SPTA1: variants seen among roughly 807,000 people sequenced by gnomAD.
The protein encoded by SPTA1 is spectrin alpha chain, erythrocytic 1.
A neutral mutation model predicts 324.7 loss-of-function variants in SPTA1; 177 were observed. That is an observed-to-expected ratio of 0.55 (90% CI 0.48 to 0.62). The LOEUF (loss-of-function observed/expected upper bound fraction) is 0.62. Ranked by LOEUF, SPTA1 falls within the 20% of genes least tolerant of loss-of-function variation. The probability of loss-of-function intolerance (pLI) is 0.00; values close to 1 mark genes in which losing one functional copy is unlikely to be tolerated. For synonymous variants in SPTA1, 1,195 were observed against 1,041.3 expected (o/e 1.15, Z -2.84); for missense variants, 3,162 against 2,883.6 (o/e 1.10, Z -2.21).
chr1:158,660,961 C>G (rs1383060060), intron 18 of SPTA1, among the ~76,000 whole-genome samples: 1 of 152,122 alleles, frequency 6.6e-6, no homozygotes, highest in Non-Finnish European at 1.5e-5. Context: ...GGAAAAGAGA[C>G]CTGATTTAAT....
intron 29 of SPTA1, among the ~76,000 whole-genome samples, 191 bp from the exon 30 acceptor site, chr1:158,644,587 C>T (rs1261254689): frequency 6.6e-6 from 1 of 152,302 alleles, no homozygotes; most frequent in Admixed American, 6.5e-5. Flanking sequence ...CTTTATGTTT[C>T]TGTATATGCT....
Position 158,633,727 on chromosome 1 carries a change from G to T in SPTA1, c.5565+816C>A, listed in dbSNP as rs114960340. ...GTTGTAAAGAAAGGGAAGCCTTTGAGAGCATTTGATAGGAAGCCTTAAAAT... is the reference window on the plus strand; with the variant it reads ...GTTGTAAAGAAAGGGAAGCCTTTGATAGCATTTGATAGGAAGCCTTAAAAT... On this transcript the variant is annotated intron_variant, in intron 39 of 51. Coordinates refer to ENST00000643759, the MANE Select transcript of SPTA1 (RefSeq NM_003126.4). Among the ~76,000 whole-genome samples the T allele has an allele frequency of 7.8e-3, 1,184 of 151,666 alleles. 18 individuals carry two copies. The highest frequency in any genetic ancestry group is 0.027 in the African/African-American group (1,104 of 41,366).
chr1:158,686,713 C>T lies in SPTA1; in HGVS notation c.-196G>A. 2.0e-6 allele frequency: 1 copy of T among 506,750 alleles called. No homozygotes were observed. Among genetic ancestry groups the T allele is most frequent in the South Asian group, 3.1e-5 (1 of 32,226 alleles). The allele number at this position is 506,750 out of a possible 1,614,324, so 31.4% of individuals were successfully genotyped here. ...CACAATCGACATTATCTTTAGAAGACATACTCAGCTGAGGCAACTGCTAAG... is the reference window on the plus strand; with the variant it reads ...CACAATCGACATTATCTTTAGAAGATATACTCAGCTGAGGCAACTGCTAAG... On this transcript the variant is annotated 5_prime_UTR_variant, in exon 1 of 52. It removes an upstream start codon present in the reference 5' UTR. Transcript: ENST00000643759.
chr1:158,666,471 G>T lies in SPTA1; in HGVS notation c.2065C>A (p.Gln689Lys). Residue 689 changes from glutamine (Q) to lysine (K), a missense_variant, in exon 16 of 52, where the codon CAG becomes AAG. By Grantham distance (53) the Gln-to-Lys change is moderately conservative. Coordinates refer to ENST00000643759, the MANE Select transcript of SPTA1 (RefSeq NM_003126.4). ...TCTGCATTATTTTCAAATTGCAGCT[G>T]CTGGTTGGCCTCATGCAACTGGGTC... ...KGTQLHEANQ[Q>K]LQFENNAEDL... The T allele has an allele frequency of 1.9e-6, 3 of 1,610,682 alleles. No individual in the cohort carries two copies. Among genetic ancestry groups the T allele is most frequent in the Non-Finnish European group, 2.5e-6 (3 of 1,179,942 alleles).
Position 158,620,476 on chromosome 1 carries a change from G to C in SPTA1, c.6121-10C>G. 6.2e-7 allele frequency: 1 copy of C among 1,608,914 alleles called. No individual in the cohort carries two copies. The highest frequency in any genetic ancestry group is 1.1e-5 in the South Asian group (1 of 90,712). On this transcript the variant is annotated splice_polypyrimidine_tract_variant and intron_variant, in intron 43 of 51. Transcript: ENST00000643759. ...CGAACAGGTCCTCAGCCTGCAGAGA[G>C]AAAAAAAAGACACTACCATCTTTCC... is the stretch of plus-strand genomic sequence containing the variant.
intron 33 of SPTA1, 140 bp from the exon 34 acceptor site, chr1:158,640,147 C>T (rs1651437446): frequency 9.7e-7 from 1 of 1,030,118 alleles, no homozygotes; most frequent in Non-Finnish European, 1.5e-6. Context: ...CATTTCAAAC[C>T]AGTTATACTT....
chr1:158,617,618 C>A (rs774862665), intron 46 of SPTA1, 30 bp from the exon 47 acceptor site: 1 of 1,571,314 alleles, frequency 6.4e-7, no homozygotes, highest in East Asian at 2.2e-5. Context: ...AATCATTATG[C>A]ATCACATCAC....
chr1:158,668,094 ATTACCTG>A, intron 14 of SPTA1, 32 bp from the exon 15 acceptor site: 1 of 1,566,800 alleles, frequency 6.4e-7, no homozygotes, highest in Non-Finnish European at 8.7e-7. Flanking sequence ...AAAAAAAACC[ATTACCTG>A]AAGAATGAGG....
chr1:158,611,157 A>G lies in SPTA1; in HGVS notation c.*107T>C. 7.2e-7 allele frequency: 1 copy of G among 1,379,774 alleles called. No individual in the cohort carries two copies. The allele number at this position is 1,379,774 out of a possible 1,614,324, so 85.5% of individuals were successfully genotyped here. ...CACACACACACACACACACACACAC[A>G]CACACACACGAGGCCATCTTTATCT... On this transcript the variant is annotated 3_prime_UTR_variant, in exon 52 of 52. Transcript: ENST00000643759.
In SPTA1 at chr1:158,680,788, A is replaced by G. The variant is rs950373510; in HGVS notation, c.532-59T>C. ...AACATTTAGGAGTTTCTGTAGGTCA[A>G]AAACTCAAAACTCCTGCTTGCATTC... is the stretch of plus-strand genomic sequence containing the variant. On this transcript the variant is annotated intron_variant, in intron 4 of 51. Coordinates refer to ENST00000643759, the MANE Select transcript of SPTA1 (RefSeq NM_003126.4). 18 of 1,601,794 alleles carry G rather than the reference A, an allele frequency of 1.1e-5. No individual in the cohort carries two copies. In the South Asian group the frequency reaches 1.8e-4, roughly 16 times the overall value.
intron 20 of SPTA1, 74 bp from the exon 21 acceptor site, chr1:158,654,822 A>G (rs1652711893): frequency 6.3e-7 from 1 of 1,598,702 alleles, no homozygotes. Context: ...AGGGGTGAGT[A>G]GTCCTTTAGG....
At chr1:158,658,254 C>T (rs781589264) in intron 18 of SPTA1, among the ~76,000 whole-genome samples, 7 of 152,104 alleles carry the variant, frequency 4.6e-5, no homozygotes, top group Non-Finnish European at 1.0e-4. Context: ...ACCAGTCACA[C>T]TGAATTGAGG....
rs1571374774 is a variant in SPTA1 at position 158,617,566 on chromosome 1, T to C, written c.6571A>G (p.Thr2191Ala). 1.9e-6 allele frequency: 3 copies of C among 1,613,610 alleles called. No individual in the cohort carries two copies. Among genetic ancestry groups the C allele is most frequent in the Non-Finnish European group, 8.5e-7 (1 of 1,179,554 alleles). ...LDGSLLKETG[T>A]LESQLEANKR... is the part of the protein sequence containing the mutation. Reference sequence around the variant, plus strand: ...TTTGCTTCCAGCTGAGATTCCAGAGTTCCTGTTTCTTTGAGCAATGATCTA... The same window carrying C: ...TTTGCTTCCAGCTGAGATTCCAGAGCTCCTGTTTCTTTGAGCAATGATCTA... The change falls in exon 47 of 52, where the codon ACT (threonine) becomes GCT (alanine). Residue 2191 changes from threonine (T) to alanine (A), a missense_variant. Thr to Ala is a moderately conservative substitution (Grantham distance 58). Transcript: ENST00000643759.
intron 7 of SPTA1, among the ~76,000 whole-genome samples, chr1:158,676,838 C>T (rs964540273): frequency 6.6e-6 from 1 of 152,088 alleles, no homozygotes; most frequent in African/African-American, 2.4e-5. Flanking sequence ...TGTTATTAGC[C>T]CTTTCATCAT....
At position 158,677,738 on chromosome 1, in the gene SPTA1, A is replaced by C. The variant is rs1371543529; in HGVS notation, c.909T>G (p.Phe303Leu). 1 of 1,613,654 alleles carries C rather than the reference A, an allele frequency of 6.2e-7. No homozygotes were observed. Among genetic ancestry groups the C allele is most frequent in the Non-Finnish European group, 8.5e-7 (1 of 1,179,740 alleles). The change falls in exon 7 of 52, where the codon TTT becomes TTG. Residue 303 changes from phenylalanine to leucine, a missense_variant. Transcript: ENST00000643759. ...GKDLVASEGL[F>L]HSHKGLERNL... ...TTCTCTCAAGTCCCTTGTGACTGTG[A>C]AACAGTCCTTCAGAGGCAACAAGGT...
chr1:158,611,164 C>A lies in SPTA1; in HGVS notation c.*100G>T, dbSNP rs939533467. On this transcript the variant is annotated 3_prime_UTR_variant, in exon 52 of 52. Coordinates refer to ENST00000643759, the MANE Select transcript of SPTA1 (RefSeq NM_003126.4). The stretch of plus-strand genomic sequence containing the variant: ...ACACACACACACACACACACACACA[C>A]ACGAGGCCATCTTTATCTTCCACAT... 3 of 1,406,214 alleles carry A rather than the reference C, an allele frequency of 2.1e-6. No homozygotes were observed. The highest frequency in any genetic ancestry group is 3.0e-6 in the Non-Finnish European group (3 of 1,003,390). 87.1% of individuals were successfully genotyped at this position (1,406,214 alleles called of 1,614,324 possible). A position where few individuals can be genotyped will look rare whatever the true frequency, so the allele number is the denominator to read the frequency against.
intron 12 of SPTA1, among the ~76,000 whole-genome samples, chr1:158,670,815 G>A (rs986791450): frequency 6.6e-6 from 1 of 152,010 alleles, no homozygotes; most frequent in African/African-American, 2.4e-5. Flanking sequence ...AGAGTAGACA[G>A]TACTTAGATA....
chr1:158,685,161 C>T lies in SPTA1; in HGVS notation c.211G>A (p.Glu71Lys). 1 of 1,613,704 alleles carries T rather than the reference C, an allele frequency of 6.2e-7. No individual in the cohort carries two copies. Among genetic ancestry groups the T allele is most frequent in the Admixed American group, 1.7e-5 (1 of 59,908 alleles). The change falls in exon 2 of 52, where the codon GAG (glutamate) becomes AAG (lysine). Residue 71 changes from glutamate (E) to lysine (K), a missense_variant. Coordinates refer to ENST00000643759, the MANE Select transcript of SPTA1 (RefSeq NM_003126.4). ...TTATCGGTTAAGATATTGACTTTCT[C>T]CATGATCCACTTCCCCAGATCATCT... ...DADDLGKWIM[E>K]KVNILTDKSY...
intron 27 of SPTA1, 124 bp downstream of exon 27, chr1:158,647,415 G>A: frequency 2.5e-6 from 3 of 1,220,254 alleles, no homozygotes; most frequent in Non-Finnish European, 3.6e-6. Flanking sequence ...TTTATGCCTT[G>A]CAAGAGGTGA....
Sources: gnomAD v4.1 joint callset for allele counts (sites outside exome capture counted in the v4.1 genomes callset) on GRCh38, gnomAD v4.1.1 for gene constraint, MANE v1.5 for transcripts, NCBI Gene and HGNC (gene_info 2026-07-23, HGNC 2026-07-21) for gene names.